The following ENKUR variants were observed in gnomAD, a reference collection of about 807,000 sequenced individuals.
ENKUR encodes enkurin, TRPC channel interacting protein.
In ENKUR, 19 loss-of-function variants were observed where a neutral mutation model predicts 27.6. That is an observed-to-expected ratio of 0.69 (90% CI 0.48 to 1.01). The LOEUF (loss-of-function observed/expected upper bound fraction) is 1.01, where lower values mean the gene tolerates loss of function less well. Ranked by LOEUF, ENKUR falls within the 50% of genes least tolerant of loss-of-function variation. The pLI, the probability that ENKUR is intolerant of heterozygous loss-of-function variation, is 0.00. For missense variants in ENKUR, 312 were observed against 310.5 expected, an observed-to-expected ratio of 1.00 and a Z score of -0.04; for synonymous variants, 117 against 96.9, an observed-to-expected ratio of 1.21 and a Z score of -1.22.
chr10:25,023,323 T>C (rs765220072), intron 2 of ENKUR: 1 of 1,614,146 alleles, frequency 6.2e-7, no homozygotes, highest in Non-Finnish European at 8.5e-7. Context: ...GCGATTTCTT[T>C]CAAGAACCTT....
rs752878515 is a variant in ENKUR at position 24,995,634 on chromosome 10, C to T, written c.447+12G>A. The T allele has an allele frequency of 1.2e-6, 2 of 1,603,208 alleles. No individual in the cohort carries two copies. The highest frequency in any genetic ancestry group is 1.7e-5 in the Admixed American group (1 of 58,468). ...GAATTTCAGCCCTCTTATTAATATA[C>T]CACAAGGCTACCTTTTTATTGATGT... On this transcript the variant is annotated intron_variant, in intron 3 of 5. Coordinates refer to ENST00000331161, the MANE Select transcript of ENKUR (RefSeq NM_145010.4).
intron 2 of ENKUR, among the ~76,000 whole-genome samples, chr10:25,060,591 A>G (rs73608233): frequency 0.028 from 4,202 of 152,330 alleles, 126 homozygotes; most frequent in African/African-American, 0.074. Flanking sequence ...AGTTTCTGTC[A>G]TCTTCAATTA....
chr10:25,011,875 A>G (rs1433807746), intron 1 of ENKUR, among the ~76,000 whole-genome samples: 9 of 152,262 alleles, frequency 5.9e-5, no homozygotes, highest in Non-Finnish European at 1.2e-4. Flanking sequence ...CCAAATGTTA[A>G]TAGCCAAAAC....
At chr10:25,043,372 A>G (rs1352983) in intron 2 of ENKUR, among the ~76,000 whole-genome samples, 3,955 of 152,230 alleles carry the variant, frequency 0.026, 186 homozygotes, top group African/African-American at 0.091. Flanking sequence ...AAAGCTTTTT[A>G]TGTTCTAATT....
chr10:25,029,180 C>T (rs1850905205), intron 2 of ENKUR, among the ~76,000 whole-genome samples: 1 of 152,092 alleles, frequency 6.6e-6, no homozygotes, highest in Non-Finnish European at 1.5e-5. Context: ...ACATTTGTGA[C>T]TCTTCTTAAT....
chr10:25,033,571 G>A (rs1374491107), intron 2 of ENKUR, among the ~76,000 whole-genome samples: 2 of 152,012 alleles, frequency 1.3e-5, no homozygotes, highest in African/African-American at 2.4e-5. Context: ...CTTTATCAAG[G>A]AAAGGAAAAC....
intron 1 of ENKUR, among the ~76,000 whole-genome samples, chr10:25,003,159 T>C (rs977161406): frequency 1.4e-5 from 2 of 138,586 alleles, no homozygotes; most frequent in Non-Finnish European, 3.3e-5. Context: ...CAGTGTTTCT[T>C]TAATTAATTA....
At chr10:25,029,831 C>G (rs968614174) in intron 2 of ENKUR, among the ~76,000 whole-genome samples, 1 of 152,150 alleles carries the variant, frequency 6.6e-6, no homozygotes, top group Non-Finnish European at 1.5e-5. Flanking sequence ...CAAGTGCAAG[C>G]AACTAAATCA....
chr10:25,055,779 G>C (rs767075217), intron 2 of ENKUR, among the ~76,000 whole-genome samples: 2 of 152,108 alleles, frequency 1.3e-5, no homozygotes, highest in Non-Finnish European at 2.9e-5. Flanking sequence ...TTTTACTGAA[G>C]ACCCTCAAAA....
In ENKUR at chr10:24,999,453, AG is replaced by A; in HGVS notation, c.170del (p.Pro57LeufsTer7). 1.2e-6 allele frequency: 2 copies of A among 1,613,416 alleles called. No homozygotes were observed. The highest frequency in any genetic ancestry group is 1.7e-6 in the Non-Finnish European group (2 of 1,179,728). ...GTTTCTTTAGGAAATCCTTTGGAGA[AG>A]GTACTTCAACTTTTGCTGGTCCCAT... ...KTMGPAKVEVPSPKDFLKKHS... is the reference protein window; with the variant it reads ...KTMGPAKVEVXSPKDFLKKHS... On this transcript the variant is annotated frameshift_variant, in exon 2 of 6. Transcript: ENST00000331161. LOFTEE classifies it high-confidence loss of function.
intron 2 of ENKUR, among the ~76,000 whole-genome samples, chr10:25,043,893 CTTT>C (rs36019656): frequency 2.8e-5 from 4 of 142,978 alleles, no homozygotes; most frequent in African/African-American, 5.1e-5. Flanking sequence ...TTCAGATATT[CTTT>C]TTTTTTTTTT....
intron 1 of ENKUR, among the ~76,000 whole-genome samples, chr10:25,061,771 G>C (rs552994838): frequency 1.3e-5 from 2 of 152,212 alleles, no homozygotes; most frequent in South Asian, 4.1e-4. Context: ...CCCAGACCTA[G>C]GCCTGCACAT....
intron 2 of ENKUR, among the ~76,000 whole-genome samples, chr10:25,034,678 C>A (rs1564354208): frequency 6.6e-6 from 1 of 152,080 alleles, no homozygotes; most frequent in Non-Finnish European, 1.5e-5. Flanking sequence ...AAAATAACAC[C>A]ATTTCTTGTA....
chr10:25,055,036 T>C (rs1238272408), intron 2 of ENKUR, among the ~76,000 whole-genome samples: 6 of 152,152 alleles, frequency 3.9e-5, no homozygotes, highest in Non-Finnish European at 7.3e-5. Flanking sequence ...TAAGTAAATA[T>C]CTCAAGATCC....
chr10:25,058,707 G>C (rs1323403618), intron 2 of ENKUR, among the ~76,000 whole-genome samples: 1 of 151,724 alleles, frequency 6.6e-6, no homozygotes, highest in African/African-American at 2.4e-5. Flanking sequence ...TAGGCGAGCT[G>C]ATCACCTGAG....
intron 2 of ENKUR, among the ~76,000 whole-genome samples, chr10:25,049,650 T>C (rs1219819243): frequency 6.6e-6 from 1 of 152,066 alleles, no homozygotes; most frequent in South Asian, 2.1e-4. Context: ...TAGCCAGATG[T>C]GGTGGCACAT....
Position 25,016,127 on chromosome 10 carries a change from T to C in ENKUR, c.-191A>G. On this transcript the variant is annotated 5_prime_UTR_variant, in exon 1 of 6. Coordinates refer to ENST00000331161, the MANE Select transcript of ENKUR (RefSeq NM_145010.4). ...CTCTCTCGGGAAGAAAACACCCTAT[T>C]TCTCTCCGGATTGCTAAGCGTCGTT... 8.0e-7 allele frequency: 1 copy of C among 1,254,778 alleles called. No homozygotes were observed. The highest frequency in any genetic ancestry group is 3.2e-5 in the East Asian group (1 of 31,350). 77.7% of individuals were successfully genotyped at this position (1,254,778 alleles called of 1,614,324 possible).
chr10:25,056,245 T>C (rs1851254437), intron 2 of ENKUR, among the ~76,000 whole-genome samples: 1 of 152,214 alleles, frequency 6.6e-6, no homozygotes. Context: ...AGCACTTATG[T>C]CACTCATATG....
At chr10:25,054,200 C>A (rs1851219399) in intron 2 of ENKUR, among the ~76,000 whole-genome samples, 1 of 152,178 alleles carries the variant, frequency 6.6e-6, no homozygotes, top group Non-Finnish European at 1.5e-5. Flanking sequence ...GTGGGCGGAT[C>A]ACTTGAGGTC....
Sources: allele counts gnomAD v4.1 joint callset (sites outside exome capture counted in the v4.1 genomes callset), GRCh38; gene constraint gnomAD v4.1.1; transcripts MANE v1.5; gene names NCBI Gene and HGNC (gene_info 2026-07-23, HGNC 2026-07-21).